The following ATRX variants were observed in gnomAD, a reference collection of about 807,000 sequenced individuals.
ATRX encodes the protein chromatin remodeler ATRX.
In ATRX, 12 loss-of-function variants were observed where a neutral mutation model predicts 172.6. That is an observed-to-expected ratio of 0.07 (90% CI 0.04 to 0.11). The LOEUF (loss-of-function observed/expected upper bound fraction) is 0.11, where lower values mean the gene tolerates loss of function less well. ATRX is among the 10% of genes least tolerant of loss of function. ATRX has a pLI of 1.00. For missense variants in ATRX, 1,368 were observed against 1,767.4 expected, an observed-to-expected ratio of 0.77 and a Z score of 4.05; for synonymous variants, 674 against 594.7, an observed-to-expected ratio of 1.13 and a Z score of -1.94.
At chrX:77,775,438 T>C (rs1442656276) in intron 1 of ATRX, among the ~76,000 whole-genome samples, 1 of 111,515 alleles carries the variant, frequency 9.0e-6, no homozygotes, top group Non-Finnish European at 1.9e-5. Flanking sequence ...ATCCCAGCAC[T>C]TTGGGAGGCC....
At chrX:77,710,163 G>A (rs1036257092) in intron 2 of ATRX, among the ~76,000 whole-genome samples, 1 of 110,017 alleles carries the variant, frequency 9.1e-6, no homozygotes, top group Admixed American at 9.7e-5. Flanking sequence ...GCCGGGTGTG[G>A]TGGCGCTTGC....
At chrX:77,708,911 A>G (rs2072972192) in intron 2 of ATRX, among the ~76,000 whole-genome samples, 1 of 112,561 alleles carries the variant, frequency 8.9e-6, no homozygotes, top group South Asian at 3.6e-4. Flanking sequence ...AAAGATGTTT[A>G]ATGTTTTATT....
intron 34 of ATRX, among the ~76,000 whole-genome samples, chrX:77,513,736 T>C (rs1557037798): frequency 9.0e-6 from 1 of 111,386 alleles, no homozygotes; most frequent in African/African-American, 3.3e-5. Flanking sequence ...CTATTCAACA[T>C]AGTATTAGAA....
intron 22 of ATRX, among the ~76,000 whole-genome samples, chrX:77,612,341 T>C (rs1368959387): frequency 9.1e-6 from 1 of 109,592 alleles, no homozygotes; most frequent in Non-Finnish European, 1.9e-5. Context: ...TGGTAAAATA[T>C]ACATTTTAAA....
At chrX:77,611,033 C>A (rs1349491663) in intron 22 of ATRX, among the ~76,000 whole-genome samples, 3 of 109,264 alleles carry the variant, frequency 2.7e-5, no homozygotes, top group South Asian at 3.8e-4. Context: ...ATTTAAGTGT[C>A]ACACATACAT....
chrX:77,766,198 C>T (rs1342396718), intron 1 of ATRX, among the ~76,000 whole-genome samples: 7 of 112,902 alleles, frequency 6.2e-5, no homozygotes, highest in Non-Finnish European at 1.1e-4. Flanking sequence ...CTCAATGAGC[C>T]GCTGGGCACA....
chrX:77,721,496 T>C (rs2073767602), intron 1 of ATRX, among the ~76,000 whole-genome samples: 1 of 111,996 alleles, frequency 8.9e-6, no homozygotes, highest in Non-Finnish European at 1.9e-5. Context: ...ACAAAATCAA[T>C]GTGCAAAAAT....
intron 26 of ATRX, among the ~76,000 whole-genome samples, chrX:77,592,644 C>G (rs2066311981): frequency 1.9e-5 from 2 of 107,679 alleles, no homozygotes; most frequent in African/African-American, 6.8e-5. Context: ...GAAACCCCAT[C>G]TCTACTAAAA....
chrX:77,511,783 G>GA (rs1405258402), intron 34 of ATRX, among the ~76,000 whole-genome samples: 3 of 110,982 alleles, frequency 2.7e-5, no homozygotes, highest in African/African-American at 9.8e-5. Context: ...GGAGACAAAA[G>GA]AAAAAAGAAC....
At chrX:77,702,484 T>C (rs2072585350) in intron 2 of ATRX, among the ~76,000 whole-genome samples, 1 of 110,820 alleles carries the variant, frequency 9.0e-6, no homozygotes, top group Non-Finnish European at 1.9e-5. Flanking sequence ...GGGAATAAAA[T>C]TAGTTCAGGA....
chrX:77,547,433 C>T (rs782093597), intron 30 of ATRX, among the ~76,000 whole-genome samples: 1 of 111,599 alleles, frequency 9.0e-6, no homozygotes, highest in Non-Finnish European at 1.9e-5. Flanking sequence ...CCCTAAAAGA[C>T]TTGGTAAATG....
intron 1 of ATRX, among the ~76,000 whole-genome samples, chrX:77,721,835 A>G (rs929501636): frequency 9.0e-6 from 1 of 111,727 alleles, no homozygotes; most frequent in East Asian, 2.8e-4. Context: ...TTTAAATTTC[A>G]TATGGAACCA....
chrX:77,719,715 C>T (rs1444870172), intron 1 of ATRX, among the ~76,000 whole-genome samples: 1 of 111,431 alleles, frequency 9.0e-6, no homozygotes, highest in Non-Finnish European at 1.9e-5. Context: ...GAGACTTAGA[C>T]TCTCACACAA....
chrX:77,690,219 G>A (rs2071812319), intron 6 of ATRX, among the ~76,000 whole-genome samples: 1 of 110,921 alleles, frequency 9.0e-6, no homozygotes, highest in Non-Finnish European at 1.9e-5. Context: ...GGGACTATAG[G>A]CATACACCAC....
intron 10 of ATRX, among the ~76,000 whole-genome samples, chrX:77,666,402 A>G (rs1377332451): frequency 2.7e-5 from 3 of 112,472 alleles, no homozygotes; most frequent in African/African-American, 9.7e-5. Context: ...ATTTTGCCAA[A>G]AAAAGAAATT....
intron 1 of ATRX, among the ~76,000 whole-genome samples, chrX:77,726,289 A>G (rs1450388522): frequency 9.0e-6 from 1 of 110,833 alleles, no homozygotes; most frequent in South Asian, 3.9e-4. Context: ...AATACTATGC[A>G]GCCATAAAAA....
At chrX:77,768,873 C>T (rs182994713) in intron 1 of ATRX, among the ~76,000 whole-genome samples, 1 of 111,782 alleles carries the variant, frequency 8.9e-6, no homozygotes, top group South Asian at 3.7e-4. Flanking sequence ...TCAAATTTAA[C>T]TCATCTATGT....
chrX:77,661,931 A>G (rs782615535), intron 12 of ATRX, among the ~76,000 whole-genome samples: 1 of 111,043 alleles, frequency 9.0e-6, no homozygotes, highest in East Asian at 2.8e-4. Flanking sequence ...AGCTTATACT[A>G]TATTAATTGT....
At chrX:77,664,416 C>T (rs1270684001) in intron 11 of ATRX, among the ~76,000 whole-genome samples, 1 of 110,362 alleles carries the variant, frequency 9.1e-6, no homozygotes, top group Non-Finnish European at 1.9e-5. Flanking sequence ...CGCACTATCA[C>T]GCCCAGCTAC....
Sources: gnomAD v4.1 joint callset for allele counts (sites outside exome capture counted in the v4.1 genomes callset) on GRCh38, gnomAD v4.1.1 for gene constraint, MANE v1.5 for transcripts, NCBI Gene and HGNC (gene_info 2026-07-23, HGNC 2026-07-21) for gene names.